The following PER2 variants were observed in gnomAD, a reference collection of about 807,000 sequenced individuals.
PER2 encodes the protein period circadian protein homolog 2.
A neutral mutation model predicts 121.0 loss-of-function variants in PER2; 66 were observed. The ratio of observed to expected loss-of-function variants is 0.55; its 90% confidence interval spans 0.45 to 0.67. The LOEUF is 0.67. PER2 is among the 30% of genes least tolerant of loss of function. The pLI is 0.00. For missense variants in PER2, 1,521 were observed against 1,635.0 expected, an observed-to-expected ratio of 0.93 and a Z score of 1.20; for synonymous variants, 684 against 659.9, an observed-to-expected ratio of 1.04 and a Z score of -0.56.
chr2:238,299,679 T>C, the PER2 span: 1 of 152,376 alleles, frequency 6.6e-6, no homozygotes, highest in African/African-American at 2.4e-5. Flanking sequence ...AGACCATGGC[T>C]ATGGACAATT....
At chr2:238,266,054 C>T (rs1428690528) in intron 8 of PER2, among the ~76,000 whole-genome samples, 3 of 152,064 alleles carry the variant, frequency 2.0e-5, no homozygotes, top group Non-Finnish European at 2.9e-5. Context: ...CAGGCGTGTG[C>T]CACCACGCCC....
At chr2:238,276,654 C>G (rs763042086) in intron 3 of PER2, among the ~76,000 whole-genome samples, 1 of 152,134 alleles carries the variant, frequency 6.6e-6, no homozygotes, top group Non-Finnish European at 1.5e-5. Context: ...GTTAGAGAGA[C>G]AGGACAGCGG....
At position 238,275,861 on chromosome 2, in the gene PER2, T is replaced by C; in HGVS notation, c.330A>G (p.Glu110=). Residue 110 remains glutamate, a synonymous_variant, in exon 4 of 23, where the codon GAA becomes GAG. Transcript: ENST00000254657. ...TCAGCTCCTTTAGTGTTTTTATCAGTTCTTTGTGTGTGTCCACTTTCGAAG... is the reference window on the plus strand; with the variant it reads ...TCAGCTCCTTTAGTGTTTTTATCAGCTCTTTGTGTGTGTCCACTTTCGAAG... ...DQSSKVDTHK[E]LIKTLKELKV... 2 of 1,614,224 alleles carry C rather than the reference T, an allele frequency of 1.2e-6. No individual in the cohort carries two copies. Among genetic ancestry groups the C allele is most frequent in the South Asian group, 2.2e-5 (2 of 91,088 alleles).
chr2:238,298,399 A>G, the PER2 span: 1 of 152,130 alleles, frequency 6.6e-6, no homozygotes, highest in Admixed American at 6.5e-5. Context: ...AAGACACTGG[A>G]TACTGAAAAT....
chr2:238,263,052 G>A lies in PER2; in HGVS notation c.1053C>T (p.Val351=). 1.2e-6 allele frequency: 2 copies of A among 1,606,926 alleles called. No homozygotes were observed. Among genetic ancestry groups the A allele is most frequent in the Non-Finnish European group, 1.7e-6 (2 of 1,173,604 alleles). Residue 351 remains valine (V), a synonymous_variant, in exon 10 of 23, where the codon GTC becomes GTT. Coordinates refer to ENST00000254657, the MANE Select transcript of PER2 (RefSeq NM_022817.3). The stretch of plus-strand genomic sequence containing the variant: ...CCTGAGGTAGGTAGCCCAGGAGAGG[G>A]ACCGCCCTGGAAGGCAAGCAGACAC... ...CLFQDVDERA[V]PLLGYLPQDL... is the part of the protein sequence containing the mutation.
chr2:238,272,252 C>T (rs955180515), intron 5 of PER2, among the ~76,000 whole-genome samples: 9 of 152,234 alleles, frequency 5.9e-5, no homozygotes, highest in Non-Finnish European at 1.2e-4. Context: ...CCACTCACCC[C>T]GCTGTCTTGG....
upstream of PER2, among the ~76,000 whole-genome samples, chr2:238,294,223 G>C (rs1261427395): frequency 1.3e-5 from 2 of 152,214 alleles, no homozygotes; most frequent in Non-Finnish European, 2.9e-5. Context: ...AGGCTCCCTG[G>C]CTCTGTCCCT....
At chr2:238,271,558 C>T (rs1293171405) in intron 5 of PER2, 45 bp from the exon 6 acceptor site, 6 of 1,463,814 alleles carry the variant, frequency 4.1e-6, no homozygotes, top group African/African-American at 1.4e-5. Context: ...CAGATGGTGT[C>T]GGACGCCACA....
upstream of PER2, among the ~76,000 whole-genome samples, chr2:238,291,430 A>G (rs1252994934): frequency 2.0e-5 from 3 of 152,180 alleles, no homozygotes; most frequent in Non-Finnish European, 4.4e-5. Context: ...AGCAACTACT[A>G]TGTACCAGGC....
intron 6 of PER2, among the ~76,000 whole-genome samples, chr2:238,271,009 G>A (rs1696266578): frequency 1.3e-5 from 2 of 152,234 alleles, no homozygotes; most frequent in Admixed American, 6.5e-5. Context: ...CTGCCCCCAC[G>A]ACCCGGCCTC....
chr2:238,267,807 C>T (rs1696154981), intron 8 of PER2, among the ~76,000 whole-genome samples: 1 of 152,112 alleles, frequency 6.6e-6, no homozygotes, highest in South Asian at 2.1e-4. Flanking sequence ...GGGGTCACAG[C>T]ACTGGTGTGG....
At chr2:238,260,113 G>T in intron 13 of PER2, 60 bp from the exon 14 acceptor site, 1 of 749,996 alleles carries the variant, frequency 1.3e-6, no homozygotes, top group Non-Finnish European at 2.4e-6. Context: ...CAGTCTGTCC[G>T]GCAAAGTGAG....
chr2:238,298,348 T>C, the PER2 span: 1 of 152,258 alleles, frequency 6.6e-6, no homozygotes, highest in Non-Finnish European at 1.5e-5. Flanking sequence ...CTTTTGTTCT[T>C]AAGCCTGTTC....
chr2:238,288,857 G>A (rs1696878388), upstream of PER2, among the ~76,000 whole-genome samples: 1 of 152,206 alleles, frequency 6.6e-6, no homozygotes, highest in Non-Finnish European at 1.5e-5. Context: ...CCGCGACTCC[G>A]TCTCATCTGC....
chr2:238,273,254 A>G (rs1696350107), intron 4 of PER2, 63 bp from the exon 5 acceptor site: 2 of 1,560,622 alleles, frequency 1.3e-6, no homozygotes, highest in Admixed American at 3.5e-5. Flanking sequence ...GACAGTCACT[A>G]GCTCTTACAA....
Position 238,255,647 on chromosome 2 carries a change from T to A in PER2, c.2320+10A>T. 1.2e-6 allele frequency: 2 copies of A among 1,614,152 alleles called. No individual in the cohort carries two copies. Among genetic ancestry groups the A allele is most frequent in the Non-Finnish European group, 1.7e-6 (2 of 1,179,930 alleles). ...TTTTAAAACGCACTTTTAATTCGGG[T>A]ATCACTTACTTCGTTCACTTGGCTG... is the stretch of plus-strand genomic sequence containing the variant. On this transcript the variant is annotated intron_variant, in intron 18 of 22. Coordinates refer to ENST00000254657, the MANE Select transcript of PER2 (RefSeq NM_022817.3).
At chr2:238,290,623 C>T (rs1423583114), upstream of PER2, among the ~76,000 whole-genome samples, 1 of 152,160 alleles carries the variant, frequency 6.6e-6, no homozygotes, top group African/African-American at 2.4e-5. Context: ...GGCTCTAGGA[C>T]TCTTCAGAAT....
chr2:238,252,912 G>T lies in PER2; in HGVS notation c.3111C>A (p.Thr1037=). 6.2e-7 allele frequency: 1 copy of T among 1,612,804 alleles called. No individual in the cohort carries two copies. Among genetic ancestry groups the T allele is most frequent in the African/African-American group, 1.3e-5 (1 of 75,014 alleles). ...SRDQQPKAPL[T]RDEPSDTQNS... ...GGAAAGAGCATCAGAAAATCCTTAC[G>T]GTCAGAGGCGCCTTCGGCTGCTGGT... Residue 1037 remains threonine, a splice_region_variant and synonymous_variant, in exon 19 of 23, where the codon ACC becomes ACA. Transcript: ENST00000254657. This position sits in a 1 kb window ranked among gnomAD's most constrained non-coding sequence, Gnocchi z 4.2.
chr2:238,259,321 T>C (rs538826197), intron 14 of PER2, among the ~76,000 whole-genome samples: 2 of 152,222 alleles, frequency 1.3e-5, no homozygotes, highest in Non-Finnish European at 2.9e-5. Context: ...CTGGGATGCA[T>C]GCATGTGTGC....
Sources: gnomAD v4.1 joint callset for allele counts (sites outside exome capture counted in the v4.1 genomes callset) on GRCh38, gnomAD v4.1.1 for gene constraint, Gnocchi (gnomAD v3.1) non-coding constraint, MANE v1.5 for transcripts, NCBI Gene and HGNC (gene_info 2026-07-23, HGNC 2026-07-21) for gene names.